ITGA9: variants seen among roughly 807,000 people sequenced by gnomAD.
The protein encoded by ITGA9 is integrin alpha-9.
In ITGA9, 56 loss-of-function variants were observed where a neutral mutation model predicts 127.8. The ratio of observed to expected loss-of-function variants is 0.44; its 90% CI spans 0.35 to 0.55. The LOEUF (loss-of-function observed/expected upper bound fraction) is 0.55, where lower values mean the gene tolerates loss of function less well. Among genes scored for constraint, ITGA9 ranks in the 20% least tolerant of loss-of-function variants. The pLI, the probability that ITGA9 is intolerant of heterozygous loss-of-function variation, is 0.00. For missense variants in ITGA9, 1,196 were observed against 1,347.1 expected (o/e 0.89, Z 1.76); for synonymous variants, 508 against 514.5 (o/e 0.99, Z 0.17).
At chr3:37,643,606 C>CTG (rs1470332295) in intron 16 of ITGA9, among the ~76,000 whole-genome samples, 1 of 152,142 alleles carries the variant, frequency 6.6e-6, no homozygotes, top group African/African-American at 2.4e-5. Flanking sequence ...GAGTTTTCTT[C>CTG]TGTATTATCC....
intron 14 of ITGA9, among the ~76,000 whole-genome samples, chr3:37,534,861 T>C (rs1699193177): frequency 6.6e-6 from 1 of 152,174 alleles, no homozygotes; most frequent in African/African-American, 2.4e-5. Context: ...TAGTTTTGCT[T>C]TCTAACAACT....
intron 16 of ITGA9, among the ~76,000 whole-genome samples, chr3:37,641,700 C>T (rs1279851775): frequency 1.3e-5 from 2 of 152,132 alleles, no homozygotes; most frequent in African/African-American, 4.8e-5. Flanking sequence ...TGCTAAGGCC[C>T]ACGAGAGCCT....
At chr3:37,538,689 A>G (rs1460519803) in intron 14 of ITGA9, among the ~76,000 whole-genome samples, 1 of 152,106 alleles carries the variant, frequency 6.6e-6, no homozygotes, top group Non-Finnish European at 1.5e-5. Flanking sequence ...ACCCTTTACC[A>G]GTGGGTGCTG....
At chr3:37,552,198 G>A (rs187072954) in intron 15 of ITGA9, among the ~76,000 whole-genome samples, 60 of 145,354 alleles carry the variant, frequency 4.1e-4, no homozygotes, top group Non-Finnish European at 8.3e-4. Flanking sequence ...GGAAAGATTC[G>A]GAGCCAGCTA....
At chr3:37,683,305 G>A (rs1247268746) in intron 17 of ITGA9, among the ~76,000 whole-genome samples, 4 of 152,186 alleles carry the variant, frequency 2.6e-5, no homozygotes, top group African/African-American at 9.7e-5. Flanking sequence ...CACCTCATCA[G>A]TGAGACTTCC....
Position 37,701,329 on chromosome 3 carries a change from C to A in ITGA9, c.2067+17314C>A, listed in dbSNP as rs1447137265. On this transcript the variant is annotated intron_variant, in intron 18 of 27. Transcript: ENST00000264741. ...AGAAGCAAACCCTGAGATAAGAATT[C>A]AAGTGTAAAGTACCTGTAGTTTGTT... Among the ~76,000 whole-genome samples the A allele has an allele frequency of 2.0e-5, 3 of 152,132 alleles. No individual in the cohort carries two copies. In the East Asian group the frequency reaches 5.8e-4, roughly 29 times the overall value.
intron 23 of ITGA9, among the ~76,000 whole-genome samples, chr3:37,760,662 A>C (rs1242049746): frequency 2.0e-5 from 3 of 152,210 alleles, no homozygotes; most frequent in East Asian, 3.8e-4. Flanking sequence ...CTCACAGAAA[A>C]AAACAAACAA....
chr3:37,742,051 T>C (rs531313347), intron 21 of ITGA9, among the ~76,000 whole-genome samples: 4 of 152,380 alleles, frequency 2.6e-5, no homozygotes, highest in African/African-American at 7.2e-5. Context: ...ATCTGAGAAG[T>C]TTGATGACAA....
Position 37,476,604 on chromosome 3 carries a change from G to A in ITGA9, c.420+3144G>A, listed in dbSNP as rs377624. On this transcript the variant is annotated intron_variant, in intron 3 of 27. Transcript: ENST00000264741. ...GCACATGGGCAGTCTTGCTAGGAAA[G>A]GCTTGTCCTAAGTCCCCTCTGCCCC... Among the ~76,000 whole-genome samples the A allele has an allele frequency of 5.2e-3, 784 of 152,216 alleles. 5 individuals are homozygous for A. The highest frequency in any genetic ancestry group is 0.02 in the Middle Eastern group (6 of 294).
chr3:37,786,767 G>A (rs1432905506), intron 26 of ITGA9, among the ~76,000 whole-genome samples: 1 of 152,222 alleles, frequency 6.6e-6, no homozygotes. Flanking sequence ...CCTACTCAGT[G>A]AGGAGAATGA....
chr3:37,818,806 C>A, intron 27 of ITGA9, 85 bp from the exon 28 acceptor site: 2 of 989,092 alleles, frequency 2.0e-6, no homozygotes, highest in Non-Finnish European at 3.2e-6. Flanking sequence ...CAGGTCACAC[C>A]TACCCAGGGA....
Position 37,548,201 on chromosome 3 carries a change from C to T in ITGA9, c.1689+5616C>T, listed in dbSNP as rs143081989. On this transcript the variant is annotated intron_variant, in intron 15 of 27. Transcript: ENST00000264741. ...TAAACTGAGTAAATGAAGCCAGACACAAAAGGCTACCTACTGGATGATTCA... is the reference window on the plus strand; with the variant it reads ...TAAACTGAGTAAATGAAGCCAGACATAAAAGGCTACCTACTGGATGATTCA... 2.8e-3 allele frequency among the ~76,000 whole-genome samples: 429 copies of T among 152,232 alleles called. 3 individuals carry two copies. The highest frequency in any genetic ancestry group is 9.4e-3 in the African/African-American group (391 of 41,532).
intron 23 of ITGA9, among the ~76,000 whole-genome samples, chr3:37,764,212 C>T (rs1039631942): frequency 2.6e-5 from 4 of 152,052 alleles, no homozygotes; most frequent in African/African-American, 9.7e-5. Context: ...AAAAAGATTA[C>T]AATTCCTTTA....
At position 37,819,176 on chromosome 3, in the gene ITGA9, G is replaced by T; in HGVS notation, c.*187G>T. ...ACTTCGGCCAGGTCACACGACCGGG[G>T]CCAGCACCACTTCCTTTAAAGATGA... is the stretch of plus-strand genomic sequence containing the variant. On this transcript the variant is annotated 3_prime_UTR_variant, in exon 28 of 28. Transcript: ENST00000264741. The T allele has an allele frequency of 1.6e-6, 1 of 624,418 alleles. No individual in the cohort carries two copies. The highest frequency in any genetic ancestry group is 2.9e-6 in the Non-Finnish European group (1 of 347,338). 38.7% of individuals were successfully genotyped at this position (624,418 alleles called of 1,614,324 possible).
intron 20 of ITGA9, among the ~76,000 whole-genome samples, chr3:37,737,802 T>C (rs1696381519): frequency 6.6e-6 from 1 of 152,224 alleles, no homozygotes; most frequent in South Asian, 2.1e-4. Context: ...CTTACAAGAA[T>C]AGTGCAAGGA....
intron 23 of ITGA9, among the ~76,000 whole-genome samples, chr3:37,759,438 A>G (rs1325053015): frequency 1.3e-5 from 2 of 152,222 alleles, no homozygotes; most frequent in Non-Finnish European, 2.9e-5. Context: ...CAGCTATTAC[A>G]AATGTTTAAA....
In ITGA9 at chr3:37,597,599, A is replaced by G. The variant is rs1699881060; in HGVS notation, c.1690-31588A>G. ...CTATGAGGTGCACCTGTCCGTAGTA[A>G]GTACTCAGTAAATGACTGGTGAATG... is the stretch of plus-strand genomic sequence containing the variant. On this transcript the variant is annotated intron_variant, in intron 15 of 27. Coordinates refer to ENST00000264741, the MANE Select transcript of ITGA9 (RefSeq NM_002207.3). The surrounding 1 kb of genome is among the most constrained non-coding windows in gnomAD (Gnocchi z 4.6). Among the ~76,000 whole-genome samples, 1 of 152,236 alleles carries G rather than the reference A, an allele frequency of 6.6e-6. No homozygotes were observed. Among genetic ancestry groups the G allele is most frequent in the Non-Finnish European group, 1.5e-5 (1 of 68,032 alleles).
intron 22 of ITGA9, among the ~76,000 whole-genome samples, chr3:37,744,632 G>A (rs1364220762): frequency 2.0e-5 from 3 of 152,158 alleles, no homozygotes; most frequent in African/African-American, 7.2e-5. Flanking sequence ...ACCTCATGAA[G>A]GACACTGTTT....
intron 6 of ITGA9, 52 bp from the exon 7 acceptor site, chr3:37,505,948 T>A: frequency 7.8e-7 from 1 of 1,285,450 alleles, no homozygotes; most frequent in Non-Finnish European, 1.1e-6. Flanking sequence ...TGTTTTTTTT[T>A]CCCTTCCCTT....
Sources: allele counts gnomAD v4.1 joint callset (sites outside exome capture counted in the v4.1 genomes callset), GRCh38; gene constraint gnomAD v4.1.1; non-coding constraint Gnocchi (gnomAD v3.1); transcripts MANE v1.5; gene names NCBI Gene and HGNC (gene_info 2026-07-23, HGNC 2026-07-21).